The following TENM4 variants were observed in gnomAD, a reference collection of about 807,000 sequenced individuals.
TENM4 encodes teneurin-4.
A neutral mutation model predicts 243.3 loss-of-function variants in TENM4; 82 were observed. The observed-to-expected ratio is 0.34, with a 90% CI of 0.28 to 0.40. TENM4 has a LOEUF of 0.40. TENM4 is among the 10% of genes least tolerant of loss of function. The probability of loss-of-function intolerance (pLI) is 1.00; values close to 1 mark genes in which losing one functional copy is unlikely to be tolerated. For missense variants in TENM4, 3,138 were observed against 3,673.3 expected (o/e 0.85, Z 3.77); for synonymous variants, 1,412 against 1,456.3 (o/e 0.97, Z 0.69).
chr11:79,356,637 G>T (rs1225672414), intron 1 of TENM4, among the ~76,000 whole-genome samples: 2 of 152,056 alleles, frequency 1.3e-5, no homozygotes, highest in Non-Finnish European at 2.9e-5. Context: ...AGAGGATCAA[G>T]AAAGATAATA....
At chr11:78,845,311 A>G (rs555712800) in intron 12 of TENM4, among the ~76,000 whole-genome samples, 55 of 152,340 alleles carry the variant, frequency 3.6e-4, no homozygotes, top group African/African-American at 1.3e-3. Flanking sequence ...CACAAATCCT[A>G]TGCTTTCACA....
At chr11:78,695,588 C>T (rs547966392) in intron 28 of TENM4, among the ~76,000 whole-genome samples, 52 of 152,212 alleles carry the variant, frequency 3.4e-4, no homozygotes, top group African/African-American at 1.1e-3. Context: ...GTCTCGAACT[C>T]CTGACCTCAG....
chr11:79,215,941 G>A, intron 2 of TENM4, 32 bp from the exon 3 acceptor site: 1 of 854,392 alleles, frequency 1.2e-6, no homozygotes, highest in Non-Finnish European at 1.4e-6. Context: ...ATCCAACTGA[G>A]TGAGGTGGCA....
intron 6 of TENM4, among the ~76,000 whole-genome samples, chr11:78,953,961 A>G (rs542904922): frequency 2.0e-5 from 3 of 152,310 alleles, no homozygotes; most frequent in Non-Finnish European, 2.9e-5. Context: ...ATTGCTCCAC[A>G]TTGTGCCATT....
intron 1 of TENM4, among the ~76,000 whole-genome samples, chr11:79,334,032 G>A (rs1202124250): frequency 3.9e-5 from 6 of 152,210 alleles, no homozygotes; most frequent in African/African-American, 7.2e-5. Context: ...CACACAGAAT[G>A]ATCGTCTAAG....
intron 3 of TENM4, among the ~76,000 whole-genome samples, chr11:79,187,281 G>A (rs1565240912): frequency 6.6e-6 from 1 of 152,176 alleles, no homozygotes; most frequent in Non-Finnish European, 1.5e-5. Flanking sequence ...ACTAAGAATA[G>A]CAGCACACAT....
intron 6 of TENM4, among the ~76,000 whole-genome samples, chr11:78,981,315 T>C (rs1028186354): frequency 5.3e-5 from 8 of 152,178 alleles, no homozygotes; most frequent in African/African-American, 1.7e-4. Context: ...AGAAAATCCT[T>C]TTACACCCAT....
At chr11:79,272,704 A>G (rs1320745521) in intron 2 of TENM4, among the ~76,000 whole-genome samples, 2 of 151,600 alleles carry the variant, frequency 1.3e-5, no homozygotes, top group African/African-American at 2.4e-5. Flanking sequence ...GCTCCCCACC[A>G]CCCCAAACCC....
intron 2 of TENM4, among the ~76,000 whole-genome samples, chr11:79,284,088 G>C (rs949404761): frequency 6.6e-6 from 1 of 152,192 alleles, no homozygotes; most frequent in South Asian, 2.1e-4. Context: ...TCTCATGTTT[G>C]TGGATTGGGA....
rs565442504 is a variant in TENM4, at chr11:79,363,025, T to C, written c.-320-65482A>G. On this transcript the variant is annotated intron_variant, in intron 1 of 33. Coordinates refer to ENST00000278550, the MANE Select transcript of TENM4 (RefSeq NM_001098816.3). Reference sequence around the variant, plus strand: ...TCTGACGTGGATGACAAGCAGATCATTGGACACTGACTCACACAGGTGGAT... The same window carrying C: ...TCTGACGTGGATGACAAGCAGATCACTGGACACTGACTCACACAGGTGGAT... Among the ~76,000 whole-genome samples the C allele has an allele frequency of 1.1e-4, 16 of 152,346 alleles. No individual in the cohort carries two copies. In the South Asian group the frequency reaches 2.9e-3, roughly 28 times the overall value.
At chr11:78,714,061 T>G (rs888464272) in intron 25 of TENM4, among the ~76,000 whole-genome samples, 3 of 152,118 alleles carry the variant, frequency 2.0e-5, no homozygotes, top group African/African-American at 7.2e-5. Context: ...GCATAAACTG[T>G]GCTAAGAGAC....
intron 2 of TENM4, among the ~76,000 whole-genome samples, chr11:79,272,971 T>C (rs1486933230): frequency 6.6e-6 from 1 of 152,210 alleles, no homozygotes; most frequent in East Asian, 1.9e-4. Context: ...CTTTAGGCCC[T>C]GGACATTGAT....
intron 3 of TENM4, among the ~76,000 whole-genome samples, chr11:79,212,194 T>C (rs1184327058): frequency 6.6e-6 from 1 of 152,210 alleles, no homozygotes; most frequent in Non-Finnish European, 1.5e-5. Context: ...TTCCCTGGCA[T>C]GTAGCAGATG....
intron 29 of TENM4, among the ~76,000 whole-genome samples, chr11:78,683,746 C>T (rs1858583847): frequency 6.6e-6 from 1 of 151,912 alleles, no homozygotes; most frequent in South Asian, 2.1e-4. Context: ...TTCTGCGTCG[C>T]TCACGCTGGG....
At chr11:79,311,260 T>C (rs1202613225) in intron 1 of TENM4, among the ~76,000 whole-genome samples, 2 of 152,210 alleles carry the variant, frequency 1.3e-5, no homozygotes, top group Non-Finnish European at 2.9e-5. Flanking sequence ...TCAGAGACAA[T>C]GAAATCTCAA....
chr11:78,774,758 C>T (rs1256240872), intron 17 of TENM4, among the ~76,000 whole-genome samples: 1 of 152,118 alleles, frequency 6.6e-6, no homozygotes, highest in Admixed American at 6.5e-5. Context: ...TAGGTCCTTC[C>T]AGCATAACTG....
intron 12 of TENM4, among the ~76,000 whole-genome samples, chr11:78,837,054 T>G (rs1303476095): frequency 6.6e-6 from 1 of 152,138 alleles, no homozygotes; most frequent in African/African-American, 2.4e-5. Context: ...TCTTAGAAAA[T>G]CCTAGCTCTT....
At chr11:79,059,853 A>G (rs899012402) in intron 6 of TENM4, among the ~76,000 whole-genome samples, 1 of 152,218 alleles carries the variant, frequency 6.6e-6, no homozygotes, top group Admixed American at 6.5e-5. Flanking sequence ...CAGAGCTTAG[A>G]CTGGGGCAAC....
At chr11:79,393,368 C>G (rs1023130593) in intron 1 of TENM4, among the ~76,000 whole-genome samples, 2 of 152,136 alleles carry the variant, frequency 1.3e-5, no homozygotes, top group East Asian at 3.9e-4. Flanking sequence ...TCTGGGTCTC[C>G]GTTTCCTCAT....
Sources: gnomAD v4.1 joint callset for allele counts (sites outside exome capture counted in the v4.1 genomes callset) on GRCh38, gnomAD v4.1.1 for gene constraint, MANE v1.5 for transcripts, NCBI Gene and HGNC (gene_info 2026-07-23, HGNC 2026-07-21) for gene names.